The following RNF115 variants were observed in gnomAD, a reference collection of about 807,000 sequenced individuals.
RNF115 encodes ring finger protein 115, also known as E3 ubiquitin-protein ligase RNF115.
RNF115 carries 31 observed loss-of-function variants against 39.2 expected under a neutral mutation model. The observed-to-expected ratio is 0.79, with a 90% confidence interval of 0.59 to 1.07. The LOEUF is 1.07. Ranked by LOEUF, RNF115 falls within the 50% of genes least tolerant of loss-of-function variation. RNF115 has a pLI of 0.00. For missense variants in RNF115, 384 were observed against 381.7 expected, an observed-to-expected ratio of 1.01 and a Z score of -0.05; for synonymous variants, 124 against 131.0, an observed-to-expected ratio of 0.95 and a Z score of 0.37.
chr1:145,753,379 C>A (rs1332096780), intron 4 of RNF115, among the ~76,000 whole-genome samples: 1 of 152,124 alleles, frequency 6.6e-6, no homozygotes, highest in Non-Finnish European at 1.5e-5. Flanking sequence ...GATGCCGAGC[C>A]AGTGGAACTC....
Position 145,812,663 on chromosome 1 carries a change from A to G in RNF115, c.102+11109T>C, listed in dbSNP as rs1424098098. Among the ~76,000 whole-genome samples, 7 of 148,892 alleles carry G rather than the reference A, an allele frequency of 4.7e-5. No homozygotes were observed. In the East Asian group the frequency reaches 7.8e-4, roughly 17 times the overall value. On this transcript the variant is annotated intron_variant, in intron 1 of 8. Transcript: ENST00000582693. ...TGACAGAGTGAGGCTTCAGGTCTCA[A>G]AAAAAAACCAAAAAACAAAATCTAA...
Position 145,740,794 on chromosome 1 carries a change from A to G in RNF115, c.*6072T>C, listed in dbSNP as rs1350821554. 7 of 152,248 alleles carry G rather than the reference A, an allele frequency of 4.6e-5. No homozygotes were observed. The highest frequency in any genetic ancestry group is 4.6e-4 in the Admixed American group (7 of 15,282). The allele number at this position is 152,248 out of a possible 1,614,324, so 9.4% of individuals were successfully genotyped here. ...CTTTTTGTTATGTATTCTTTAATCAAAAATACTAATAATATGGCTATCAAG... is the reference window on the plus strand; with the variant it reads ...CTTTTTGTTATGTATTCTTTAATCAGAAATACTAATAATATGGCTATCAAG... On this transcript the variant is annotated 3_prime_UTR_variant, in exon 9 of 9. Coordinates refer to ENST00000582693, the MANE Select transcript of RNF115 (RefSeq NM_014455.4).
intron 4 of RNF115, among the ~76,000 whole-genome samples, chr1:145,759,113 T>C (rs587611320): frequency 1.1e-3 from 172 of 152,312 alleles, no homozygotes; most frequent in African/African-American, 3.9e-3. Flanking sequence ...TGGCTGTTTC[T>C]TCTCAGTCTC....
intron 1 of RNF115, among the ~76,000 whole-genome samples, chr1:145,796,876 G>C (rs1039257971): frequency 3.3e-5 from 5 of 151,934 alleles, no homozygotes; most frequent in Admixed American, 3.3e-4. Context: ...TATAATTTTT[G>C]ATACTGACAC....
At chr1:145,822,290 T>C (rs1553724494) in intron 1 of RNF115, among the ~76,000 whole-genome samples, 1 of 148,080 alleles carries the variant, frequency 6.8e-6, no homozygotes, top group Non-Finnish European at 1.5e-5. Flanking sequence ...ATCATGCTCC[T>C]GGGTGATAGA....
At chr1:145,812,970 CA>C (rs1307069633) in intron 1 of RNF115, among the ~76,000 whole-genome samples, 4 of 145,658 alleles carry the variant, frequency 2.7e-5, no homozygotes, top group African/African-American at 1.0e-4. Flanking sequence ...AAACTCTGAA[CA>C]GCAAACAATT....
At chr1:145,781,869 G>A (rs1408376424) in intron 3 of RNF115, among the ~76,000 whole-genome samples, 1 of 148,514 alleles carries the variant, frequency 6.7e-6, no homozygotes, top group Admixed American at 6.7e-5. Context: ...ATATACCCCA[G>A]AATAAATTTA....
chr1:145,765,416 TAA>T (rs71226772), intron 4 of RNF115, among the ~76,000 whole-genome samples: 10 of 134,936 alleles, frequency 7.4e-5, no homozygotes, highest in Non-Finnish European at 9.5e-5. Flanking sequence ...GAATGATCAA[TAA>T]AAAAAAAAAA....
chr1:145,771,849 T>C lies in RNF115; in HGVS notation c.290A>G (p.Asp97Gly), dbSNP rs782425145. 5 of 1,614,148 alleles carry C rather than the reference T, an allele frequency of 3.1e-6. No individual in the cohort carries two copies. The Admixed American group carries it at 5.0e-5, about 16-fold the overall frequency. ...FRPFLSSSPLDQDNRANERGH... is the reference protein window; with the variant it reads ...FRPFLSSSPLGQDNRANERGH... ...CCTTTCATTGGCTCTATTATCTTGG[T>C]CCAGTGGACTGCTACTTAGAAAGGG... Residue 97 changes from aspartate to glycine, a missense_variant, in exon 4 of 9, where the codon GAC (aspartate) becomes GGC (glycine). Coordinates refer to ENST00000582693, the MANE Select transcript of RNF115 (RefSeq NM_014455.4).
intron 1 of RNF115, among the ~76,000 whole-genome samples, chr1:145,817,014 G>A (rs1650022332): frequency 1.4e-5 from 1 of 70,998 alleles, no homozygotes; most frequent in Admixed American, 1.6e-4. Flanking sequence ...GGGAGACAGA[G>A]GTCTAAAAAT....
At chr1:145,770,643 C>T (rs12143826) in intron 4 of RNF115, among the ~76,000 whole-genome samples, 127,245 of 152,120 alleles carry the variant, frequency 0.84, 53,466 homozygotes, top group African/African-American at 0.9. Flanking sequence ...GATCCACCAA[C>T]GGCTGTTACT....
chr1:145,823,959 C>A lies in RNF115; in HGVS notation c.-86G>T. 1 of 977,440 alleles carries A rather than the reference C, an allele frequency of 1.0e-6. No individual in the cohort carries two copies. The highest frequency in any genetic ancestry group is 1.4e-6 in the Non-Finnish European group (1 of 714,262). The allele number at this position is 977,440 out of a possible 1,614,324, so 60.5% of individuals were successfully genotyped here. A position where few individuals can be genotyped will look rare whatever the true frequency, so the allele number is the denominator to read the frequency against. On this transcript the variant is annotated 5_prime_UTR_variant, in exon 1 of 9. Coordinates refer to ENST00000582693, the MANE Select transcript of RNF115 (RefSeq NM_014455.4). Reference sequence around the variant, plus strand: ...CCTCCCGAGCTGCAGTCGTCGCCGCCGCCGCCGCCTCGGTGCGGCCCACCG... The same window carrying A: ...CCTCCCGAGCTGCAGTCGTCGCCGCAGCCGCCGCCTCGGTGCGGCCCACCG...
At chr1:145,806,334 GAAGA>G (rs1649462719) in intron 1 of RNF115, among the ~76,000 whole-genome samples, 1 of 151,826 alleles carries the variant, frequency 6.6e-6, no homozygotes. Flanking sequence ...GGCAACAGAG[GAAGA>G]CTCCATCTCA....
At chr1:145,760,045 T>C (rs1658440971) in intron 4 of RNF115, among the ~76,000 whole-genome samples, 1 of 152,202 alleles carries the variant, frequency 6.6e-6, no homozygotes, top group South Asian at 2.1e-4. Context: ...CATTAGTACT[T>C]AAGCTCCACG....
intron 1 of RNF115, among the ~76,000 whole-genome samples, chr1:145,802,037 G>A (rs1649270231): frequency 6.6e-6 from 1 of 152,110 alleles, no homozygotes; most frequent in Admixed American, 6.5e-5. Context: ...ATCCTCTCAT[G>A]TTAGCCTCCC....
At chr1:145,820,282 T>C (rs1168567299) in intron 1 of RNF115, among the ~76,000 whole-genome samples, 1 of 150,714 alleles carries the variant, frequency 6.6e-6, no homozygotes, top group Non-Finnish European at 1.5e-5. Flanking sequence ...CGGGGCAACA[T>C]GGCAAAATCC....
intron 1 of RNF115, among the ~76,000 whole-genome samples, chr1:145,805,976 T>C (rs1649442781): frequency 6.6e-6 from 1 of 152,236 alleles, no homozygotes; most frequent in African/African-American, 2.4e-5. Flanking sequence ...ACAACAACAA[T>C]ATCTCAGACC....
rs1191743714 is a variant in RNF115, at chr1:145,771,874, G to A, written c.265C>T (p.Pro89Ser). ...TCCAGTGGACTGCTACTTAGAAAGG[G>A]TCTAAAATCTTGAAAAAACATCGTG... ...DHTMFFQDFRPFLSSSPLDQD... is the reference protein window; with the variant it reads ...DHTMFFQDFRSFLSSSPLDQD... The change falls in exon 4 of 9, where the codon CCC becomes TCC. Residue 89 changes from proline (P) to serine (S), a missense_variant. Coordinates refer to ENST00000582693, the MANE Select transcript of RNF115 (RefSeq NM_014455.4). 2.5e-6 allele frequency: 4 copies of A among 1,613,928 alleles called. No individual in the cohort carries two copies. In the Admixed American group the frequency reaches 6.7e-5, roughly 27 times the overall value.
rs587709316 is a variant in RNF115 at position 145,758,947 on chromosome 1, G to A, written c.429-5898C>T. 1.4e-4 allele frequency among the ~76,000 whole-genome samples: 21 copies of A among 152,314 alleles called. No individual in the cohort carries two copies. The East Asian group carries it at 2.1e-3, about 15-fold the overall frequency. On this transcript the variant is annotated intron_variant, in intron 4 of 8. Coordinates refer to ENST00000582693, the MANE Select transcript of RNF115 (RefSeq NM_014455.4). ...GCTAAATGTCTGGGGAAGATGTGGA[G>A]GGAAGGAAGATAGTGTATACATTTA...
Sources: allele counts gnomAD v4.1 joint callset (sites outside exome capture counted in the v4.1 genomes callset), GRCh38; gene constraint gnomAD v4.1.1; transcripts MANE v1.5; gene names NCBI Gene and HGNC (gene_info 2026-07-23, HGNC 2026-07-21).